The following SHANK2 variants were observed in gnomAD, a reference collection of about 807,000 sequenced individuals.
SHANK2 encodes the protein SH3 and multiple ankyrin repeat domains protein 2.
In SHANK2, 43 loss-of-function variants were observed where a neutral mutation model predicts 133.7. The ratio of observed to expected loss-of-function variants is 0.32; its 90% CI spans 0.25 to 0.41. The LOEUF is 0.41. Ranked by LOEUF, SHANK2 falls within the 10% of genes least tolerant of loss-of-function variation. SHANK2 has a pLI of 1.00. For synonymous variants in SHANK2, 1,017 were observed against 952.8 expected (o/e 1.07, Z -1.24); for missense variants, 1,994 against 2,235.8 (o/e 0.89, Z 2.18).
At chr11:70,605,351 G>A (rs545151125) in intron 17 of SHANK2, among the ~76,000 whole-genome samples, 2 of 152,376 alleles carry the variant, frequency 1.3e-5, no homozygotes, top group South Asian at 4.1e-4. Context: ...CCAGAAGGCA[G>A]CAAGCGGGTG....
chr11:71,066,788 T>G (rs1176420603), intron 9 of SHANK2, among the ~76,000 whole-genome samples: 3 of 152,100 alleles, frequency 2.0e-5, no homozygotes, highest in Non-Finnish European at 4.4e-5. Context: ...GACGCTTGTG[T>G]CATTGGGACA....
At chr11:70,762,413 G>C (rs1230799308) in intron 14 of SHANK2, among the ~76,000 whole-genome samples, 1 of 152,156 alleles carries the variant, frequency 6.6e-6, no homozygotes, top group Non-Finnish European at 1.5e-5. Flanking sequence ...AAATGAGAAG[G>C]AATGTCAGTG....
chr11:70,492,567 T>C lies in SHANK2; in HGVS notation c.2309-102A>G, dbSNP rs781948652. On this transcript the variant is annotated intron_variant, in intron 21 of 25. Coordinates refer to ENST00000601538, the MANE Select transcript of SHANK2 (RefSeq NM_012309.5). Reference sequence around the variant, plus strand: ...CAGCAGCCACTCCAACATCCAAAACTGTGCAGGGGGCATTTGTTGCTGCTG... The same window carrying C: ...CAGCAGCCACTCCAACATCCAAAACCGTGCAGGGGGCATTTGTTGCTGCTG... 4 of 1,466,826 alleles carry C rather than the reference T, an allele frequency of 2.7e-6. No homozygotes were observed. The Admixed American group carries it at 6.9e-5, about 25-fold the overall frequency. 90.9% of individuals were successfully genotyped at this position (1,466,826 alleles called of 1,614,324 possible).
At position 71,166,473 on chromosome 11, in the gene SHANK2, C is replaced by CTTTTTTTTTTTTTTTTTTTTTTTTT. The variant is rs1322143159; in HGVS notation, c.-12-19136_-12-19135insAAAAAAAAAAAAAAAAAAAAAAAAA. Among the ~76,000 whole-genome samples, 5 of 131,382 alleles carry CTTTTTTTTTTTTTTTTTTTTTTTTT rather than the reference C, an allele frequency of 3.8e-5. 1 individual carries two copies. The highest frequency in any genetic ancestry group is 4.9e-5 in the Non-Finnish European group (3 of 61,410). The allele number at this position is 131,382 out of a possible 152,430, so 86.2% of individuals were successfully genotyped here. The stretch of plus-strand genomic sequence containing the variant: ...TTGGTTTACCTTCCAATCCACACGT[C>CTTTTTTTTTTTTTTTTTTTTTTTTT]TTTTTTTTCTTTTCTTTTTTTTTTG... On this transcript the variant is annotated intron_variant, in intron 2 of 25. Coordinates refer to ENST00000601538, the MANE Select transcript of SHANK2 (RefSeq NM_012309.5).
Position 70,473,321 on chromosome 11 carries a change from T to G in SHANK2, c.5098A>C (p.Arg1700=). The part of the protein sequence containing the change: ...LQSRPPDYES[R]TSGTRRAPSP... Reference sequence around the variant, plus strand: ...GGGGCACGTCTTGTTCCTGAGGTCCTGCTTTCATAGTCGGGGGGCCGGCTC... The same window carrying G: ...GGGGCACGTCTTGTTCCTGAGGTCCGGCTTTCATAGTCGGGGGGCCGGCTC... Residue 1700 remains arginine, a synonymous_variant, in exon 26 of 26, where the codon AGG becomes CGG. Transcript: ENST00000601538. This position sits in a 1 kb window ranked among gnomAD's most constrained non-coding sequence, Gnocchi z 5.9. 6.2e-7 allele frequency: 1 copy of G among 1,613,850 alleles called. No individual in the cohort carries two copies.
At chr11:71,135,270 C>T (rs1952414171) in intron 3 of SHANK2, among the ~76,000 whole-genome samples, 1 of 152,188 alleles carries the variant, frequency 6.6e-6, no homozygotes, top group Non-Finnish European at 1.5e-5. Flanking sequence ...CTCGGTTGTA[C>T]CGGCTGATGG....
intron 6 of SHANK2, among the ~76,000 whole-genome samples, chr11:71,108,895 G>A (rs1341368427): frequency 1.3e-5 from 2 of 152,228 alleles, no homozygotes; most frequent in African/African-American, 4.8e-5. Flanking sequence ...TCCCCCGGCA[G>A]TGCTCAGACA....
At chr11:70,541,332 C>T (rs759187385) in intron 17 of SHANK2, among the ~76,000 whole-genome samples, 4 of 152,298 alleles carry the variant, frequency 2.6e-5, no homozygotes, top group East Asian at 3.9e-4. Flanking sequence ...ATCAGCCTGG[C>T]GGGAACAGTA....
chr11:71,249,397 C>T (rs1948140237), intron 1 of SHANK2, among the ~76,000 whole-genome samples: 1 of 152,160 alleles, frequency 6.6e-6, no homozygotes, highest in African/African-American at 2.4e-5. Flanking sequence ...CTCACAGTCC[C>T]AGTTACAGGA....
At chr11:70,740,513 C>T (rs1946501532) in intron 14 of SHANK2, among the ~76,000 whole-genome samples, 1 of 152,146 alleles carries the variant, frequency 6.6e-6, no homozygotes, top group African/African-American at 2.4e-5. Context: ...CGGTTGTAAA[C>T]AGGGAGTAGC....
intron 14 of SHANK2, among the ~76,000 whole-genome samples, chr11:70,780,466 T>A (rs1014187752): frequency 2.6e-5 from 4 of 152,144 alleles, no homozygotes. Flanking sequence ...CTCCAAGTCA[T>A]CTGAGGGGCA....
At chr11:71,057,230 A>G (rs1243564133) in intron 9 of SHANK2, among the ~76,000 whole-genome samples, 2 of 152,154 alleles carry the variant, frequency 1.3e-5, no homozygotes, top group African/African-American at 2.4e-5. Flanking sequence ...GCTACTCAGG[A>G]GGCTGAGGCA....
In SHANK2 at chr11:70,502,199, G is replaced by GACTT; in HGVS notation, c.2278+3_2278+6dup. ...CTGTACAGGGCTGGGCCGGGTGTGC[G>GACTT]ACTTACCGAGCTCCTCCAGCTCCGA... On this transcript the variant is annotated splice_region_variant and intron_variant, in intron 19 of 25. Transcript: ENST00000601538. 1 of 1,554,582 alleles carries GACTT rather than the reference G, an allele frequency of 6.4e-7. No homozygotes were observed. The highest frequency in any genetic ancestry group is 1.2e-5 in the South Asian group (1 of 84,394).
intron 1 of SHANK2, among the ~76,000 whole-genome samples, chr11:71,234,402 T>TAAATAAATAAC (rs1471555760): frequency 9.4e-5 from 14 of 148,966 alleles, no homozygotes; most frequent in African/African-American, 3.6e-4. Flanking sequence ...AATAAATAAA[T>TAAATAAATAAC]AACAACAAAA....
At chr11:71,220,133 G>A (rs1309290283) in intron 2 of SHANK2, among the ~76,000 whole-genome samples, 1 of 152,120 alleles carries the variant, frequency 6.6e-6, no homozygotes, top group Non-Finnish European at 1.5e-5. Context: ...TCAGGAGGCC[G>A]AGATGGAAAG....
chr11:70,796,264 G>T (rs1470459147), intron 14 of SHANK2, among the ~76,000 whole-genome samples: 4 of 152,166 alleles, frequency 2.6e-5, no homozygotes, highest in African/African-American at 9.7e-5. Context: ...TGCTCCAGCT[G>T]CCCTGCTTCC....
At chr11:71,240,529 G>A (rs1467995576) in intron 1 of SHANK2, among the ~76,000 whole-genome samples, 2 of 152,152 alleles carry the variant, frequency 1.3e-5, no homozygotes, top group Non-Finnish European at 2.9e-5. Context: ...AGCAAGAAGG[G>A]GCAGACCCCA....
chr11:70,762,011 C>T (rs1468912389), intron 14 of SHANK2, among the ~76,000 whole-genome samples: 1 of 152,208 alleles, frequency 6.6e-6, no homozygotes, highest in Non-Finnish European at 1.5e-5. Context: ...TCAATGACTG[C>T]TGCCCTGGCC....
At chr11:70,786,459 T>C (rs1947656178) in intron 14 of SHANK2, among the ~76,000 whole-genome samples, 1 of 152,200 alleles carries the variant, frequency 6.6e-6, no homozygotes, top group South Asian at 2.1e-4. Flanking sequence ...CCATCAGTGC[T>C]GTTGGTAACA....
Sources: gnomAD v4.1 joint callset for allele counts (sites outside exome capture counted in the v4.1 genomes callset) on GRCh38, gnomAD v4.1.1 for gene constraint, Gnocchi (gnomAD v3.1) non-coding constraint, MANE v1.5 for transcripts, NCBI Gene and HGNC (gene_info 2026-07-23, HGNC 2026-07-21) for gene names.